Variants in SPAG16 observed in about 807,000 individuals in gnomAD.
SPAG16 encodes sperm-associated antigen 16 protein.
In SPAG16, 86 loss-of-function variants were observed where a neutral mutation model predicts 80.4. The ratio of observed to expected loss-of-function variants is 1.07; its 90% CI spans 0.90 to 1.28. The LOEUF (loss-of-function observed/expected upper bound fraction) is 1.28. Among genes scored for constraint, SPAG16 ranks in the 50% most tolerant of loss-of-function variants. The probability of loss-of-function intolerance (pLI) is 0.00; values close to 1 mark genes in which losing one functional copy is unlikely to be tolerated. For synonymous variants in SPAG16, 294 were observed against 265.9 expected, an observed-to-expected ratio of 1.11 and a Z score of -1.03; for missense variants, 870 against 765.3, an observed-to-expected ratio of 1.14 and a Z score of -1.61.
intron 12 of SPAG16, among the ~76,000 whole-genome samples, chr2:213,969,878 G>A (rs2044926268): frequency 6.6e-6 from 1 of 151,964 alleles, no homozygotes; most frequent in Non-Finnish European, 1.5e-5. Context: ...TAAAAAAAAG[G>A]CACAGTAGTT....
intron 10 of SPAG16, among the ~76,000 whole-genome samples, chr2:213,811,638 A>G (rs1007912425): frequency 6.6e-6 from 1 of 152,198 alleles, no homozygotes; most frequent in African/African-American, 2.4e-5. Flanking sequence ...GACTAGCCAG[A>G]AAGAGAATAA....
At chr2:214,116,861 T>G (rs1247847705) in intron 14 of SPAG16, among the ~76,000 whole-genome samples, 1 of 152,166 alleles carries the variant, frequency 6.6e-6, no homozygotes, top group African/African-American at 2.4e-5. Context: ...TTTTTAGATC[T>G]CTGGAAGACG....
At chr2:214,285,433 T>C (rs1245683279) in intron 15 of SPAG16, among the ~76,000 whole-genome samples, 1 of 152,224 alleles carries the variant, frequency 6.6e-6, no homozygotes. Flanking sequence ...TCCATGAGTT[T>C]CTATTTCATT....
At chr2:213,934,974 A>G (rs140433673) in intron 12 of SPAG16, among the ~76,000 whole-genome samples, 21,515 of 152,106 alleles carry the variant, frequency 0.14, 2,023 homozygotes, top group Non-Finnish European at 0.21. Context: ...AGGCTGAGGC[A>G]GGCCGATCAC....
intron 8 of SPAG16, among the ~76,000 whole-genome samples, chr2:213,372,580 T>G (rs2125187685): frequency 6.6e-6 from 1 of 152,236 alleles, no homozygotes; most frequent in African/African-American, 2.4e-5. Context: ...ATGGTCTAAT[T>G]AATACTTTTT....
Position 213,501,509 on chromosome 2 carries a change from A to G in SPAG16, c.1070+11419A>G, listed in dbSNP as rs139143816. On this transcript the variant is annotated intron_variant, in intron 10 of 15. Coordinates refer to ENST00000331683, the MANE Select transcript of SPAG16 (RefSeq NM_024532.5). ...CTAATATTTTCTTATGCAAAACACT[A>G]TCAGGGAACTGACATGATAATGCCA... 1.5e-4 allele frequency among the ~76,000 whole-genome samples: 23 copies of G among 152,318 alleles called. No individual in the cohort carries two copies. In the East Asian group the frequency reaches 3.1e-3, roughly 20 times the overall value.
chr2:213,583,588 A>G (rs894348027), intron 10 of SPAG16, among the ~76,000 whole-genome samples: 2 of 152,192 alleles, frequency 1.3e-5, no homozygotes, highest in African/African-American at 2.4e-5. Context: ...AGAGGCAAAT[A>G]ACAGAGTAGA....
intron 10 of SPAG16, among the ~76,000 whole-genome samples, chr2:213,750,339 T>TA (rs1559435958): frequency 6.6e-6 from 1 of 152,170 alleles, no homozygotes; most frequent in Non-Finnish European, 1.5e-5. Flanking sequence ...TGACAAGAGT[T>TA]ACATCGAAAT....
intron 15 of SPAG16, among the ~76,000 whole-genome samples, chr2:214,234,733 TG>T (rs1221562847): frequency 2.6e-5 from 4 of 152,144 alleles, no homozygotes; most frequent in Admixed American, 2.0e-4. Flanking sequence ...TGAATGGGGT[TG>T]TTTTTTTCTT....
intron 10 of SPAG16, among the ~76,000 whole-genome samples, chr2:213,531,976 A>C (rs1485072143): frequency 1.3e-5 from 2 of 152,126 alleles, no homozygotes; most frequent in African/African-American, 2.4e-5. Context: ...ACAAACACCC[A>C]AAAAAACACT....
chr2:214,130,753 A>G (rs1576303114), intron 14 of SPAG16, among the ~76,000 whole-genome samples: 1 of 152,196 alleles, frequency 6.6e-6, no homozygotes, highest in African/African-American at 2.4e-5. Flanking sequence ...AATAATGCCA[A>G]TAATGACACT....
intron 15 of SPAG16, among the ~76,000 whole-genome samples, chr2:214,206,460 T>A (rs1177995837): frequency 1.3e-5 from 2 of 152,214 alleles, no homozygotes; most frequent in Non-Finnish European, 2.9e-5. Flanking sequence ...CAGGATGTCC[T>A]TCTTTTTTAT....
intron 10 of SPAG16, among the ~76,000 whole-genome samples, chr2:213,565,441 A>C (rs1277361966): frequency 6.6e-6 from 1 of 152,260 alleles, no homozygotes; most frequent in Non-Finnish European, 1.5e-5. Flanking sequence ...GCAAAACATA[A>C]AATATCATTT....
At chr2:214,207,417 G>A (rs186901257) in intron 15 of SPAG16, among the ~76,000 whole-genome samples, 1 of 152,116 alleles carries the variant, frequency 6.6e-6, no homozygotes, top group Non-Finnish European at 1.5e-5. Flanking sequence ...GCTCAGTAAA[G>A]ATATACCACA....
chr2:213,499,419 T>C (rs747304406), intron 10 of SPAG16, among the ~76,000 whole-genome samples: 3 of 152,158 alleles, frequency 2.0e-5, no homozygotes, highest in African/African-American at 4.8e-5. Flanking sequence ...AGATCATATC[T>C]TGTCACTATG....
chr2:213,950,702 CTTTTTTTT>C (rs59353089), intron 12 of SPAG16, among the ~76,000 whole-genome samples: 22 of 99,726 alleles, frequency 2.2e-4, no homozygotes, highest in African/African-American at 7.2e-4. Context: ...TTTTTTCTTT[CTTTTTTTT>C]TTTTTTTTTT....
At chr2:213,639,255 A>AT (rs1205855045) in intron 10 of SPAG16, among the ~76,000 whole-genome samples, 2 of 152,284 alleles carry the variant, frequency 1.3e-5, no homozygotes, top group East Asian at 3.9e-4. Context: ...TAGTATTGAG[A>AT]TATGAGGTAC....
chr2:213,961,044 G>A (rs1221587228), intron 12 of SPAG16, among the ~76,000 whole-genome samples: 1 of 152,110 alleles, frequency 6.6e-6, no homozygotes, highest in Non-Finnish European at 1.5e-5. Context: ...GACAAGGATA[G>A]GTAGCTACTA....
intron 15 of SPAG16, among the ~76,000 whole-genome samples, chr2:214,225,108 A>T (rs1188826380): frequency 6.6e-6 from 1 of 152,188 alleles, no homozygotes; most frequent in Non-Finnish European, 1.5e-5. Context: ...AAGTTTAAAA[A>T]GTGCTCCCCG....
Sources: gnomAD v4.1 joint callset for allele counts (sites outside exome capture counted in the v4.1 genomes callset) on GRCh38, gnomAD v4.1.1 for gene constraint, MANE v1.5 for transcripts, NCBI Gene and HGNC (gene_info 2026-07-23, HGNC 2026-07-21) for gene names.